Variants in KIAA0586 observed in about 807,000 individuals in gnomAD.
The protein encoded by KIAA0586 is KIAA0586.
Under a neutral mutation model 169.8 loss-of-function variants are expected in KIAA0586, and 144 were observed. The observed-to-expected ratio is 0.85, with a 90% CI of 0.74 to 0.97. The LOEUF (loss-of-function observed/expected upper bound fraction) is 0.97. Among genes scored for constraint, KIAA0586 ranks in the 50% least tolerant of loss-of-function variants. KIAA0586 has a pLI of 0.00. For synonymous variants in KIAA0586, 625 were observed against 612.4 expected (o/e 1.02, Z -0.30); for missense variants, 1,854 against 1,823.0 (o/e 1.02, Z -0.31).
intron 30 of KIAA0586, among the ~76,000 whole-genome samples, chr14:58,541,946 GTCAAACTTTAAAAGCA>G (rs1286844287): frequency 6.6e-6 from 1 of 152,106 alleles, no homozygotes; most frequent in Non-Finnish European, 1.5e-5. Context: ...AATTTAAAAA[GTCAAACTTTAAAAGCA>G]TCAAACTATA....
chr14:58,513,414 G>A lies in KIAA0586; in HGVS notation c.4429+787G>A, dbSNP rs146695005. Among the ~76,000 whole-genome samples the A allele has an allele frequency of 1.4e-3, 210 of 151,914 alleles. 2 individuals are homozygous for A. The highest frequency in any genetic ancestry group is 4.7e-3 in the African/African-American group (195 of 41,462). ...GAGCAAATGCATATTATTGAATGCC[G>A]GTATAATTGCGAATGTAACTATGCA... On this transcript the variant is annotated intron_variant, in intron 29 of 30. Coordinates refer to ENST00000652326, the MANE Select transcript of KIAA0586 (RefSeq NM_001329943.3).
At chr14:58,432,204 T>A (rs2037434154) in intron 3 of KIAA0586, among the ~76,000 whole-genome samples, 184 bp from the exon 4 acceptor site, 1 of 152,172 alleles carries the variant, frequency 6.6e-6, no homozygotes, top group African/African-American at 2.4e-5. Flanking sequence ...GGCTGTGGGT[T>A]TGGGATTATG....
rs1421391364 is a variant in KIAA0586, at chr14:58,438,540, T to C, written c.411-4166T>C. The stretch of plus-strand genomic sequence containing the variant: ...CAACCCCAGGTTGCTTACAGCTTAA[T>C]TGGGGAGATAATATGTATATATATG... On this transcript the variant is annotated intron_variant, in intron 4 of 30. Transcript: ENST00000652326. Among the ~76,000 whole-genome samples, 4 of 152,196 alleles carry C rather than the reference T, an allele frequency of 2.6e-5. No homozygotes were observed. The East Asian group carries it at 7.7e-4, about 29-fold the overall frequency.
In KIAA0586 at chr14:58,443,975, A is replaced by G; in HGVS notation, c.607A>G (p.Lys203Glu). The change falls in exon 6 of 31, where the codon AAA becomes GAA. Residue 203 changes from lysine to glutamate, a missense_variant. Coordinates refer to ENST00000652326, the MANE Select transcript of KIAA0586 (RefSeq NM_001329943.3). ...TTAGGTGCAGAGTGATTTGGAAGCA[A>G]AAGTCAATTCTGTTACAGAATTACT... is the stretch of plus-strand genomic sequence containing the variant. ...LIKVQSDLEAKVNSVTELLSK... is the reference protein window; with the variant it reads ...LIKVQSDLEAEVNSVTELLSK... The G allele has an allele frequency of 6.2e-7, 1 of 1,606,606 alleles. No homozygotes were observed. Among genetic ancestry groups the G allele is most frequent in the East Asian group, 2.2e-5 (1 of 44,748 alleles).
chr14:58,495,884 G>T (rs1458498876), intron 26 of KIAA0586, among the ~76,000 whole-genome samples: 2 of 152,064 alleles, frequency 1.3e-5, no homozygotes, highest in African/African-American at 4.8e-5. Flanking sequence ...CTGGCTCAAA[G>T]ATATAAGCAT....
chr14:58,560,699 T>A, the KIAA0586 span, among the ~76,000 whole-genome samples: 1 of 152,226 alleles, frequency 6.6e-6, no homozygotes, highest in Non-Finnish European at 1.5e-5. Context: ...GTGTTTTACT[T>A]GGATCAAAAA....
At chr14:58,451,136 C>G (rs573216633) in intron 8 of KIAA0586, among the ~76,000 whole-genome samples, 2 of 151,904 alleles carry the variant, frequency 1.3e-5, no homozygotes, top group Non-Finnish European at 2.9e-5. Context: ...CTATGGGCGC[C>G]CACCACCATA....
intron 29 of KIAA0586, among the ~76,000 whole-genome samples, chr14:58,532,547 T>C (rs764415391): frequency 2.0e-4 from 31 of 152,080 alleles, no homozygotes; most frequent in Admixed American, 1.2e-3. Context: ...AGAAAAGATA[T>C]CTTTTAAGAA....
downstream of KIAA0586, among the ~76,000 whole-genome samples, chr14:58,555,999 T>A (rs1057152693): frequency 4.6e-5 from 7 of 152,252 alleles, no homozygotes; most frequent in Non-Finnish European, 1.0e-4. Flanking sequence ...AACTGACACA[T>A]ATTTTTCATA....
chr14:58,445,931 C>T (rs560282946), intron 6 of KIAA0586, among the ~76,000 whole-genome samples: 6 of 151,622 alleles, frequency 4.0e-5, no homozygotes, highest in African/African-American at 1.4e-4. Flanking sequence ...TGCAGTGGCG[C>T]AATCTCAGTT....
chr14:58,483,051 C>T (rs1327594229), intron 21 of KIAA0586, among the ~76,000 whole-genome samples: 1 of 152,166 alleles, frequency 6.6e-6, no homozygotes, highest in Admixed American at 6.5e-5. Context: ...AACATCTGTA[C>T]ACCCTTTACC....
At chr14:58,460,211 G>C in intron 13 of KIAA0586, 141 bp downstream of exon 13, 1 of 575,628 alleles carries the variant, frequency 1.7e-6, no homozygotes, top group Middle Eastern at 4.7e-4. Context: ...TTACACTATT[G>C]ATACTTAGGG....
chr14:58,483,958 C>G (rs759595718), intron 21 of KIAA0586, among the ~76,000 whole-genome samples: 17 of 152,104 alleles, frequency 1.1e-4, no homozygotes, highest in Non-Finnish European at 1.6e-4. Flanking sequence ...GCTTTATTAG[C>G]TCATTGGGAA....
In KIAA0586 at chr14:58,462,618, C is replaced by T. The variant is rs372707807; in HGVS notation, c.2059+1458C>T. Among the ~76,000 whole-genome samples the T allele has an allele frequency of 2.6e-5, 4 of 152,330 alleles. 1 individual carries two copies. ...AGTCTTTGCAAAAAATAATTTGAGGCTTTAAAATGCTTTCAAATCCAAAAA... is the reference window on the plus strand; with the variant it reads ...AGTCTTTGCAAAAAATAATTTGAGGTTTTAAAATGCTTTCAAATCCAAAAA... On this transcript the variant is annotated intron_variant, in intron 14 of 30. Coordinates refer to ENST00000652326, the MANE Select transcript of KIAA0586 (RefSeq NM_001329943.3).
intron 14 of KIAA0586, 26 bp from the exon 15 acceptor site, chr14:58,465,809 A>G (rs892556681): frequency 2.9e-6 from 4 of 1,386,946 alleles, no homozygotes; most frequent in Non-Finnish European, 2.0e-6. Flanking sequence ...ATATTTTAAA[A>G]TATCTGCCAT....
chr14:58,481,425 C>G (rs551316184), intron 20 of KIAA0586, among the ~76,000 whole-genome samples: 14 of 152,284 alleles, frequency 9.2e-5, no homozygotes, highest in Admixed American at 1.3e-4. Context: ...CATCTGATAA[C>G]AAGCACCTCA....
At position 58,543,639 on chromosome 14, in the gene KIAA0586, C is replaced by T. The variant is rs564080536; in HGVS notation, c.4495+3503C>T. 7.9e-5 allele frequency among the ~76,000 whole-genome samples: 12 copies of T among 152,288 alleles called. No homozygotes were observed. The South Asian group carries it at 8.3e-4, about 11-fold the overall frequency. ...AGACTTGTGCTTAAAATTTCATCAC[C>T]GCTCCCAAGTTTGTTGGTGTTCTTA... On this transcript the variant is annotated intron_variant, in intron 30 of 30. Transcript: ENST00000652326.
At chr14:58,461,684 A>G (rs2040334845) in intron 14 of KIAA0586, among the ~76,000 whole-genome samples, 1 of 152,184 alleles carries the variant, frequency 6.6e-6, no homozygotes, top group Non-Finnish European at 1.5e-5. Flanking sequence ...CTAAATTATA[A>G]TCTAGGAAAG....
chr14:58,430,605 C>T, intron 2 of KIAA0586, 43 bp from the exon 3 acceptor site: 1 of 1,209,496 alleles, frequency 8.3e-7, no homozygotes, highest in South Asian at 1.3e-5. Context: ...AATAATAAAT[C>T]ATGAAGTTTA....
Sources: allele counts gnomAD v4.1 joint callset (sites outside exome capture counted in the v4.1 genomes callset), GRCh38; gene constraint gnomAD v4.1.1; transcripts MANE v1.5; gene names NCBI Gene and HGNC (gene_info 2026-07-23, HGNC 2026-07-21).